DOCK5: variants seen among roughly 807,000 people sequenced by gnomAD.
DOCK5 encodes dedicator of cytokinesis 5.
In DOCK5, 142 loss-of-function variants were observed where a neutral mutation model predicts 251.8. The observed-to-expected ratio is 0.56, with a 90% CI of 0.49 to 0.65. DOCK5 has a LOEUF of 0.65. Among genes scored for constraint, DOCK5 ranks in the 30% least tolerant of loss-of-function variants. The pLI, the probability that DOCK5 is intolerant of heterozygous loss-of-function variation, is 0.00. For missense variants in DOCK5, 2,111 were observed against 2,312.3 expected (o/e 0.91, Z 1.79); for synonymous variants, 842 against 835.5 (o/e 1.01, Z -0.13).
chr8:25,403,532 A>G (rs1201122004), intron 47 of DOCK5, 26 bp from the exon 48 acceptor site: 1 of 1,611,710 alleles, frequency 6.2e-7, no homozygotes, highest in East Asian at 2.2e-5. Flanking sequence ...CAGGTCCGCT[A>G]ACCATGTGGA....
At chr8:25,375,374 G>A (rs1800945504) in intron 37 of DOCK5, 1 of 151,426 alleles carries the variant, frequency 6.6e-6, no homozygotes, top group Non-Finnish European at 1.5e-5. Context: ...TTCAGAACAT[G>A]CCCCTAACTT....
At chr8:25,401,538 G>A (rs1429970992) in intron 47 of DOCK5, among the ~76,000 whole-genome samples, 1 of 152,096 alleles carries the variant, frequency 6.6e-6, no homozygotes, top group Non-Finnish European at 1.5e-5. Flanking sequence ...TTCGAGACCA[G>A]CCTGGCCAAC....
chr8:25,393,264 C>G (rs1313558807), intron 44 of DOCK5, among the ~76,000 whole-genome samples: 1 of 152,130 alleles, frequency 6.6e-6, no homozygotes, highest in African/African-American at 2.4e-5. Flanking sequence ...ACCCTAGACT[C>G]CTCCCTCTTC....
In DOCK5 at chr8:25,403,652, C is replaced by T; in HGVS notation, c.5021C>T (p.Ser1674Leu). The T allele has an allele frequency of 6.2e-7, 1 of 1,614,016 alleles. No individual in the cohort carries two copies. Among genetic ancestry groups the T allele is most frequent in the Non-Finnish European group, 8.5e-7 (1 of 1,179,880 alleles). Residue 1674 changes from serine to leucine, a missense_variant, in exon 48 of 52, where the codon TCA (serine) becomes TTA (leucine). Physicochemically the swap from Ser to Leu is moderately radical, Grantham distance 145. This residue lies in a region of DOCK5 where 1,717 missense variants were observed against 1,892.4 expected (regional missense o/e 0.91). Transcript: ENST00000276440. ...SSTLRRLSIT[S>L]VTSSVVSTSS... ...ACTCTGCGGAGGTTGTCCATCACCT[C>T]AGTCACTTCCTCTGTGGTTTCCACC...
chr8:25,389,222 C>A lies in DOCK5; in HGVS notation c.4263C>A (p.Ser1421=), dbSNP rs1801214967. The A allele has an allele frequency of 6.2e-7, 1 of 1,613,686 alleles. No individual in the cohort carries two copies. The highest frequency in any genetic ancestry group is 2.2e-5 in the East Asian group (1 of 44,876). The change falls in exon 41 of 52, where the codon TCC becomes TCA. Residue 1421 remains serine (S), a synonymous_variant. Coordinates refer to ENST00000276440, the MANE Select transcript of DOCK5 (RefSeq NM_024940.8). ...TTPPGEDIKS[S]PKQYMQCFTV... is the part of the protein sequence containing the mutation. The stretch of plus-strand genomic sequence containing the variant: ...CTCCTGGGGAAGACATCAAGTCGTC[C>A]CCCAAGCAGTGTATCCTTTCCGGGG...
intron 48 of DOCK5, among the ~76,000 whole-genome samples, chr8:25,407,331 G>C (rs1276852345): frequency 6.6e-6 from 1 of 151,968 alleles, no homozygotes; most frequent in Non-Finnish European, 1.5e-5. Flanking sequence ...TTGAACACAG[G>C]CTATCTGGCT....
At chr8:25,285,227 C>T (rs1341408097) in intron 5 of DOCK5, among the ~76,000 whole-genome samples, 1 of 152,060 alleles carries the variant, frequency 6.6e-6, no homozygotes, top group East Asian at 1.9e-4. Context: ...CGCACTGCAA[C>T]CTCTGCCTCC....
chr8:25,343,663 T>C lies in DOCK5; in HGVS notation c.2617+1156T>C, dbSNP rs140846404. 1.3e-3 allele frequency among the ~76,000 whole-genome samples: 203 copies of C among 152,324 alleles called. 1 individual carries two copies. The highest frequency in any genetic ancestry group is 4.6e-3 in the African/African-American group (191 of 41,578). On this transcript the variant is annotated intron_variant, in intron 25 of 51. Transcript: ENST00000276440. ...AAACCAGGGGACAGGGAAACAGCAATGTGTTGGATCCCACAGGAGAGCTGG... is the reference window on the plus strand; with the variant it reads ...AAACCAGGGGACAGGGAAACAGCAACGTGTTGGATCCCACAGGAGAGCTGG...
intron 29 of DOCK5, 84 bp from the exon 30 acceptor site, chr8:25,364,542 G>A (rs1247839091): frequency 6.1e-6 from 6 of 989,004 alleles, no homozygotes; most frequent in Non-Finnish European, 4.7e-6. Context: ...TTCAGGTTTG[G>A]TTTGGTTTAG....
chr8:25,238,953 C>G (rs1009266188), intron 1 of DOCK5, among the ~76,000 whole-genome samples: 5 of 152,182 alleles, frequency 3.3e-5, no homozygotes, highest in Non-Finnish European at 5.9e-5. Context: ...CAGACAATTA[C>G]ACAAGATTGT....
Position 25,390,240 on chromosome 8 carries a change from C to G in DOCK5, c.4308C>G (p.Ser1436Arg). Residue 1436 changes from serine to arginine, a missense_variant, in exon 42 of 52, where the codon AGC (serine) becomes AGG (arginine). Around this residue, in one of 3 missense-constraint regions of DOCK5, gnomAD observed 1,717 missense variants for 1,892.4 expected, o/e 0.91. Transcript: ENST00000276440. ...MQCFTVKPVMSLPPSYKDKPV... is the reference protein window; with the variant it reads ...MQCFTVKPVMRLPPSYKDKPV... ...GCTTCACTGTAAAGCCAGTGATGAG[C>G]TTGCCGCCCAGCTACAAGGATAAAC... The G allele has an allele frequency of 1.9e-6, 3 of 1,595,076 alleles. No homozygotes were observed. The highest frequency in any genetic ancestry group is 1.1e-5 in the South Asian group (1 of 87,734).
intron 22 of DOCK5, among the ~76,000 whole-genome samples, chr8:25,338,144 C>T (rs771425596): frequency 2.6e-5 from 4 of 151,856 alleles, no homozygotes; most frequent in Non-Finnish European, 4.4e-5. Flanking sequence ...CGGGCTCAAG[C>T]GATCCTCCAA....
intron 19 of DOCK5, 48 bp downstream of exon 19, chr8:25,332,396 T>C: frequency 1.4e-6 from 2 of 1,437,710 alleles, no homozygotes; most frequent in South Asian, 2.4e-5. Flanking sequence ...TACATATATA[T>C]ACCTATCTAA....
chr8:25,400,497 CAAAAAAAA>C (rs4056277), intron 46 of DOCK5, among the ~76,000 whole-genome samples: 1 of 76,366 alleles, frequency 1.3e-5, no homozygotes, highest in Non-Finnish European at 2.4e-5. Context: ...GACTCCATCT[CAAAAAAAA>C]AAAAAAGAAA....
At chr8:25,259,706 C>A (rs950387436) in intron 2 of DOCK5, among the ~76,000 whole-genome samples, 2 of 152,304 alleles carry the variant, frequency 1.3e-5, no homozygotes, top group Non-Finnish European at 2.9e-5. Flanking sequence ...AGCGATCCTC[C>A]TGCCTTGGCC....
intron 40 of DOCK5, among the ~76,000 whole-genome samples, chr8:25,383,264 T>C (rs531301591): frequency 6.6e-6 from 1 of 152,350 alleles, no homozygotes; most frequent in Admixed American, 6.5e-5. Flanking sequence ...AAATAAAAAT[T>C]CTTATCTCTT....
intron 1 of DOCK5, among the ~76,000 whole-genome samples, chr8:25,185,385 C>G (rs114312106): frequency 6.6e-5 from 10 of 152,268 alleles, no homozygotes; most frequent in African/African-American, 1.4e-4. Context: ...TTCTGCCCCC[C>G]GCTTTCGTAG....
intron 2 of DOCK5, among the ~76,000 whole-genome samples, chr8:25,252,085 T>C (rs1298962140): frequency 6.6e-6 from 1 of 152,146 alleles, no homozygotes; most frequent in African/African-American, 2.4e-5. Context: ...GAACCCTGCA[T>C]TGGATTATGA....
chr8:25,186,320 G>C (rs1025710389), intron 1 of DOCK5, among the ~76,000 whole-genome samples: 1 of 149,336 alleles, frequency 6.7e-6, no homozygotes, highest in Non-Finnish European at 1.5e-5. Flanking sequence ...CTCAGAAATG[G>C]GTAGAGATGT....
Sources: allele counts gnomAD v4.1 joint callset (sites outside exome capture counted in the v4.1 genomes callset), GRCh38; gene constraint gnomAD v4.1.1; regional missense constraint gnomAD v4.1.1; transcripts MANE v1.5; gene names NCBI Gene and HGNC (gene_info 2026-07-23, HGNC 2026-07-21).